The following NLE1 variants were observed in gnomAD, a reference collection of about 807,000 sequenced individuals.
NLE1 encodes the protein notchless protein homolog 1.
A neutral mutation model predicts 62.8 loss-of-function variants in NLE1; 37 were observed. That is an observed-to-expected ratio of 0.59 (90% CI 0.45 to 0.78). The LOEUF is 0.78. NLE1 is among the 30% of genes least tolerant of loss of function. The pLI is 0.00. For synonymous variants in NLE1, 243 were observed against 253.0 expected (o/e 0.96, Z 0.37); for missense variants, 555 against 637.9 (o/e 0.87, Z 1.40).
intron 10 of NLE1, chr17:35,135,030 G>C (rs972208783): frequency 1.5e-6 from 1 of 646,990 alleles, no homozygotes; most frequent in African/African-American, 1.8e-5. Context: ...CGAGCCACTT[G>C]AACACCAGGT....
At chr17:35,142,196 T>A in intron 1 of NLE1, 62 bp downstream of exon 1, 2 of 1,589,648 alleles carry the variant, frequency 1.3e-6, no homozygotes, top group South Asian at 1.1e-5. Flanking sequence ...CTCTCAGGCC[T>A]CAGGGACCCG....
Position 35,129,471 on chromosome 17 carries a change from T to A in NLE1, c.*2966A>T. The stretch of plus-strand genomic sequence containing the variant: ...AAGCAGCCGGTCAGTTTCTACCAGC[T>A]CCTGTTACAGGAGGTGGCCAAGACA... On this transcript the variant is annotated 3_prime_UTR_variant, in exon 13 of 13. Coordinates refer to ENST00000442241, the MANE Select transcript of NLE1 (RefSeq NM_018096.5). The A allele has an allele frequency of 1.9e-6, 3 of 1,614,138 alleles. No homozygotes were observed. The highest frequency in any genetic ancestry group is 2.5e-6 in the Non-Finnish European group (3 of 1,180,020).
intron 8 of NLE1, 21 bp downstream of exon 8, chr17:35,136,341 T>C (rs1264357452): frequency 6.2e-7 from 1 of 1,610,634 alleles, no homozygotes. Flanking sequence ...GCCCCCGCTC[T>C]TCCTTCTCCC....
rs757933763 is a variant in NLE1 at position 35,130,301 on chromosome 17, A to T, written c.*2136T>A. 19 of 1,613,832 alleles carry T rather than the reference A, an allele frequency of 1.2e-5. No individual in the cohort carries two copies. The Admixed American group carries it at 3.0e-4, about 26-fold the overall frequency. The stretch of plus-strand genomic sequence containing the variant: ...CTTCAGTTTGCAACCCTGGCCACTG[A>T]CTTCAGCAGCTTTCCTGAGAACTAC... On this transcript the variant is annotated 3_prime_UTR_variant, in exon 13 of 13. Transcript: ENST00000442241.
intron 5 of NLE1, 44 bp from the exon 6 acceptor site, chr17:35,137,684 C>G (rs2091917633): frequency 6.4e-7 from 1 of 1,558,954 alleles, no homozygotes. Flanking sequence ...CAACAGGTCT[C>G]TGGCTCCACC....
At chr17:35,139,765 A>T in intron 3 of NLE1, 84 bp downstream of exon 3, 1 of 1,554,160 alleles carries the variant, frequency 6.4e-7, no homozygotes, top group Non-Finnish European at 8.7e-7. Flanking sequence ...GGCCCCATCA[A>T]TTATAACTCT....
Position 35,130,444 on chromosome 17 carries a change from C to T in NLE1, c.*1993G>A, listed in dbSNP as rs756759890. 1 of 1,610,728 alleles carries T rather than the reference C, an allele frequency of 6.2e-7. No individual in the cohort carries two copies. Among genetic ancestry groups the T allele is most frequent in the Non-Finnish European group, 8.5e-7 (1 of 1,178,396 alleles). ...CCTATTTCCCTGTTAAGGGGGAGGG[C>T]CCCAGGACACCCCTCACCTACTTTC... is the stretch of plus-strand genomic sequence containing the variant. On this transcript the variant is annotated 3_prime_UTR_variant, in exon 13 of 13. Coordinates refer to ENST00000442241, the MANE Select transcript of NLE1 (RefSeq NM_018096.5).
At chr17:35,134,046 GCT>G (rs1436318916) in intron 10 of NLE1, among the ~76,000 whole-genome samples, 3 of 152,118 alleles carry the variant, frequency 2.0e-5, no homozygotes, top group Middle Eastern at 3.2e-3. Flanking sequence ...GGTTTCCCTG[GCT>G]CTTTTTCTCC....
In NLE1 at chr17:35,130,230, C is replaced by A; in HGVS notation, c.*2207G>T. On this transcript the variant is annotated 3_prime_UTR_variant, in exon 13 of 13. Coordinates refer to ENST00000442241, the MANE Select transcript of NLE1 (RefSeq NM_018096.5). ...AGGGGTGATAGAGACAGAGAGAGAG[C>A]CAGGTTCAGATCTGGGAAGGAACTC... 2 of 1,590,564 alleles carry A rather than the reference C, an allele frequency of 1.3e-6. No homozygotes were observed. The highest frequency in any genetic ancestry group is 1.7e-6 in the Non-Finnish European group (2 of 1,167,426).
intron 7 of NLE1, among the ~76,000 whole-genome samples, 161 bp downstream of exon 7, chr17:35,136,840 C>T (rs1309563290): frequency 6.6e-6 from 1 of 152,134 alleles, no homozygotes; most frequent in Non-Finnish European, 1.5e-5. Flanking sequence ...TGGTGCAGCA[C>T]CAACCACAGA....
In NLE1 at chr17:35,142,079, A is replaced by C; in HGVS notation, c.62T>G (p.Phe21Cys). 6.2e-7 allele frequency: 1 copy of C among 1,612,718 alleles called. No individual in the cohort carries two copies. The highest frequency in any genetic ancestry group is 8.5e-7 in the Non-Finnish European group (1 of 1,179,914). ...CAGCAGCTGCCCGCCCTCATCCTGG[A>C]ACTGCACTAGCAACCGCTGCACATC... The part of the protein sequence containing the change: ...ARDVQRLLVQ[F>C]QDEGGQLLGS... The change falls in exon 2 of 13, where the codon TTC becomes TGC. Residue 21 changes from phenylalanine to cysteine, a missense_variant. Physicochemically the swap from Phe to Cys is radical, Grantham distance 205. Coordinates refer to ENST00000442241, the MANE Select transcript of NLE1 (RefSeq NM_018096.5).
Position 35,130,482 on chromosome 17 carries a change from A to T in NLE1, c.*1955T>A, listed in dbSNP as rs780571323. 1 of 1,581,124 alleles carries T rather than the reference A, an allele frequency of 6.3e-7. No individual in the cohort carries two copies. ...CTCACCTACTTTCAGCTTCAACCCCAGGCCCTCAGAAACCAGAGCCATGAG... is the reference window on the plus strand; with the variant it reads ...CTCACCTACTTTCAGCTTCAACCCCTGGCCCTCAGAAACCAGAGCCATGAG... On this transcript the variant is annotated 3_prime_UTR_variant, in exon 13 of 13. Transcript: ENST00000442241.
chr17:35,132,386 A>G lies in NLE1; in HGVS notation c.*51T>C. The stretch of plus-strand genomic sequence containing the variant: ...GCCTTTGTTCTCTGGCAGGGAAGGC[A>G]GCTGGCAGAGGCCGAGTCGAGGTGG... On this transcript the variant is annotated 3_prime_UTR_variant, in exon 13 of 13. Transcript: ENST00000442241. The G allele has an allele frequency of 4.2e-6, 6 of 1,432,992 alleles. No homozygotes were observed. The highest frequency in any genetic ancestry group is 5.5e-6 in the Non-Finnish European group (6 of 1,085,904). 88.8% of individuals were successfully genotyped at this position (1,432,992 alleles called of 1,614,324 possible). A position where few individuals can be genotyped will look rare whatever the true frequency, so the allele number is the denominator to read the frequency against.
chr17:35,133,417 G>T lies in NLE1; in HGVS notation c.1296C>A (p.Gly432=). Residue 432 remains glycine, a synonymous_variant, in exon 11 of 13, where the codon GGC becomes GGA. Transcript: ENST00000442241. ...WSADSRLLVS[G]SSDSTLKVWD... Reference sequence around the variant, plus strand: ...ACACCTTCAGTGTGCTGTCACTGCTGCCGCTGACCAGGAGCCGACTGTCAG... The same window carrying T: ...ACACCTTCAGTGTGCTGTCACTGCTTCCGCTGACCAGGAGCCGACTGTCAG... The T allele has an allele frequency of 6.2e-7, 1 of 1,614,142 alleles. No individual in the cohort carries two copies. Among genetic ancestry groups the T allele is most frequent in the Non-Finnish European group, 8.5e-7 (1 of 1,180,050 alleles).
At chr17:35,134,791 C>G (rs2091898690) in intron 10 of NLE1, among the ~76,000 whole-genome samples, 1 of 152,154 alleles carries the variant, frequency 6.6e-6, no homozygotes, top group Non-Finnish European at 1.5e-5. Flanking sequence ...GCGGCTCACA[C>G]CTGTAATCCC....
Position 35,129,886 on chromosome 17 carries a change from A to G in NLE1, c.*2551T>C. 1 of 1,409,242 alleles carries G rather than the reference A, an allele frequency of 7.1e-7. No individual in the cohort carries two copies. Among genetic ancestry groups the G allele is most frequent in the Non-Finnish European group, 9.2e-7 (1 of 1,084,584 alleles). 87.3% of individuals were successfully genotyped at this position (1,409,242 alleles called of 1,614,324 possible). A position where few individuals can be genotyped will look rare whatever the true frequency, so the allele number is the denominator to read the frequency against. ...GCAAACGAATGTATTTTTCAACATC[A>G]CTATAATGTTCCCCTTCCAAAGCCA... On this transcript the variant is annotated 3_prime_UTR_variant, in exon 13 of 13. Coordinates refer to ENST00000442241, the MANE Select transcript of NLE1 (RefSeq NM_018096.5).
In NLE1 at chr17:35,129,591, C is replaced by T. The variant is rs372597482; in HGVS notation, c.*2846G>A. On this transcript the variant is annotated 3_prime_UTR_variant, in exon 13 of 13. Coordinates refer to ENST00000442241, the MANE Select transcript of NLE1 (RefSeq NM_018096.5). ...AAGCTGATGGAGCTAAAGCCTAACA[C>T]GTGTTACTGCCTCAGTGTCCGTGCA... The T allele has an allele frequency of 1.9e-5, 30 of 1,614,182 alleles. No homozygotes were observed. Among genetic ancestry groups the T allele is most frequent in the African/African-American group, 1.6e-4 (12 of 75,036 alleles).
chr17:35,135,030 G>A (rs972208783), intron 10 of NLE1: 8 of 646,872 alleles, frequency 1.2e-5, no homozygotes, highest in South Asian at 3.0e-5. Flanking sequence ...CGAGCCACTT[G>A]AACACCAGGT....
Position 35,141,975 on chromosome 17 carries a change from T to C in NLE1, c.162+4A>G, listed in dbSNP as rs773569952. On this transcript the variant is annotated splice_donor_region_variant and intron_variant, in intron 2 of 12. Coordinates refer to ENST00000442241, the MANE Select transcript of NLE1 (RefSeq NM_018096.5). The stretch of plus-strand genomic sequence containing the variant: ...ATGCGAGGCCGCCCTGGCCAGCCAC[T>C]TACCTGGGCCAGTAGCGCGTTGCAC... 2 of 1,573,078 alleles carry C rather than the reference T, an allele frequency of 1.3e-6. No individual in the cohort carries two copies. Among genetic ancestry groups the C allele is most frequent in the Admixed American group, 3.8e-5 (2 of 53,006 alleles).
Sources: allele counts gnomAD v4.1 joint callset (sites outside exome capture counted in the v4.1 genomes callset), GRCh38; gene constraint gnomAD v4.1.1; transcripts MANE v1.5; gene names NCBI Gene and HGNC (gene_info 2026-07-23, HGNC 2026-07-21).